Variants in WDPCP observed in about 807,000 individuals in gnomAD.
WDPCP encodes the protein WD repeat-containing and planar cell polarity effector protein fritz homolog.
A neutral mutation model predicts 93.1 loss-of-function variants in WDPCP; 71 were observed. The observed-to-expected ratio is 0.76, with a 90% CI of 0.63 to 0.93. The LOEUF (loss-of-function observed/expected upper bound fraction) is 0.93. Among genes scored for constraint, WDPCP ranks in the 40% least tolerant of loss-of-function variants. The pLI is 0.00. For missense variants in WDPCP, 844 were observed against 887.4 expected, an observed-to-expected ratio of 0.95 and a Z score of 0.62; for synonymous variants, 315 against 315.0, an observed-to-expected ratio of 1.00 and a Z score of 0.00.
At chr2:63,271,030 C>A (rs1682591868) in intron 13 of WDPCP, among the ~76,000 whole-genome samples, 1 of 152,234 alleles carries the variant, frequency 6.6e-6, no homozygotes, top group African/African-American at 2.4e-5. Flanking sequence ...GCCCAGAGGG[C>A]TGTAGCATTG....
chr2:63,560,525 AG>A (rs1706525328), intron 1 of WDPCP, among the ~76,000 whole-genome samples: 1 of 152,384 alleles, frequency 6.6e-6, no homozygotes, highest in Admixed American at 6.5e-5. Context: ...TGCTGTTGAC[AG>A]GTACACATAC....
intron 10 of WDPCP, among the ~76,000 whole-genome samples, chr2:63,397,985 G>A (rs754010489): frequency 4.6e-5 from 7 of 152,176 alleles, no homozygotes; most frequent in East Asian, 1.9e-4. Context: ...CAAGATAGAT[G>A]GGGCCGGGGA....
At chr2:63,621,984 G>C (rs553535391) in intron 3 of WDPCP, among the ~76,000 whole-genome samples, 4 of 150,478 alleles carry the variant, frequency 2.7e-5, no homozygotes, top group African/African-American at 9.8e-5. Flanking sequence ...CCACTAACTC[G>C]TCATCTAGCA....
chr2:63,725,074 G>A (rs1227286155), intron 2 of WDPCP, among the ~76,000 whole-genome samples: 2 of 152,124 alleles, frequency 1.3e-5, no homozygotes, highest in African/African-American at 2.4e-5. Context: ...AGGTTCAGAG[G>A]GGACACGTGC....
At chr2:63,794,208 T>C (rs1026654027) in intron 2 of WDPCP, among the ~76,000 whole-genome samples, 1 of 152,188 alleles carries the variant, frequency 6.6e-6, no homozygotes, top group Non-Finnish European at 1.5e-5. Context: ...TCTACTTGTG[T>C]AGTAGACACT....
chr2:63,371,025 TA>T (rs1266458800), intron 12 of WDPCP, among the ~76,000 whole-genome samples: 1 of 152,130 alleles, frequency 6.6e-6, no homozygotes, highest in Non-Finnish European at 1.5e-5. Context: ...TTTAAATATA[TA>T]TATTTCCCTT....
At position 63,588,336 on chromosome 2, in the gene WDPCP, C is replaced by T; in HGVS notation, c.-65G>A. 6.5e-7 allele frequency: 1 copy of T among 1,538,182 alleles called. No homozygotes were observed. Among genetic ancestry groups the T allele is most frequent in the Non-Finnish European group, 8.8e-7 (1 of 1,134,564 alleles). Reference sequence around the variant, plus strand: ...TCCTCGGACCCGAGAGGGAGCGACACGCTCGCTTGGTCTCTTGGGTCTCCA... The same window carrying T: ...TCCTCGGACCCGAGAGGGAGCGACATGCTCGCTTGGTCTCTTGGGTCTCCA... On this transcript the variant is annotated 5_prime_UTR_variant, in exon 1 of 18. In the 5' UTR this introduces an upstream ATG that the reference lacks. Coordinates refer to ENST00000272321, the MANE Select transcript of WDPCP (RefSeq NM_015910.7).
intron 2 of WDPCP, among the ~76,000 whole-genome samples, chr2:63,783,586 C>T (rs1670427965): frequency 6.6e-6 from 1 of 152,020 alleles, no homozygotes; most frequent in Non-Finnish European, 1.5e-5. Context: ...GAATACTATT[C>T]AGCCATAAAA....
chr2:63,700,645 C>A (rs1669034607), intron 2 of WDPCP, among the ~76,000 whole-genome samples: 1 of 151,690 alleles, frequency 6.6e-6, no homozygotes, highest in Non-Finnish European at 1.5e-5. Context: ...GTTTTGATAC[C>A]CAGCATGGTA....
At chr2:63,219,617 C>A (rs1677647694) in intron 14 of WDPCP, among the ~76,000 whole-genome samples, 1 of 152,180 alleles carries the variant, frequency 6.6e-6, no homozygotes, top group African/African-American at 2.4e-5. Flanking sequence ...TTGCTTCCAA[C>A]ATTTTCTATA....
intron 13 of WDPCP, among the ~76,000 whole-genome samples, chr2:63,286,075 C>T (rs527578709): frequency 6.6e-6 from 1 of 152,150 alleles, no homozygotes; most frequent in Admixed American, 6.5e-5. Flanking sequence ...TGACAATCAT[C>T]GCTCACTGCA....
intron 2 of WDPCP, among the ~76,000 whole-genome samples, chr2:63,685,690 A>G (rs563224198): frequency 1.3e-5 from 2 of 152,344 alleles, no homozygotes; most frequent in South Asian, 4.1e-4. Flanking sequence ...ATGAATATTG[A>G]TGCAAAAATC....
intron 12 of WDPCP, among the ~76,000 whole-genome samples, chr2:63,343,025 GACAGAGTCTT>G (rs113248255): frequency 0.17 from 26,212 of 151,858 alleles, 2,364 homozygotes; most frequent in Middle Eastern, 0.23. Context: ...TTTTCTTTGA[GACAGAGTCTT>G]ACTCTGTTAC....
chr2:63,466,487 C>T (rs2166498), intron 6 of WDPCP, among the ~76,000 whole-genome samples: 29,218 of 152,036 alleles, frequency 0.19, 2,995 homozygotes, highest in Middle Eastern at 0.28. Context: ...TTTATACATA[C>T]ATTTATATCA....
chr2:63,607,866 T>C (rs1709570049), intron 3 of WDPCP, among the ~76,000 whole-genome samples: 2 of 150,660 alleles, frequency 1.3e-5, no homozygotes, highest in Admixed American at 6.6e-5. Context: ...CAAACTCGAA[T>C]GTTTCCCAGG....
At chr2:63,589,005 A>G, upstream of WDPCP, 1 of 1,614,130 alleles carries the variant, frequency 6.2e-7, no homozygotes, top group African/African-American at 1.3e-5. Context: ...TCTGAGGCTC[A>G]TTTTGCAGTT....
intron 3 of WDPCP, chr2:63,594,538 T>C (rs778744809): frequency 6.2e-7 from 1 of 1,613,948 alleles, no homozygotes; most frequent in South Asian, 1.1e-5. Flanking sequence ...AAATTGCATA[T>C]TCACTGCTGT....
At chr2:63,755,457 T>A (rs1669952972) in intron 2 of WDPCP, among the ~76,000 whole-genome samples, 1 of 152,164 alleles carries the variant, frequency 6.6e-6, no homozygotes. Context: ...AGGGAAGTAT[T>A]TAAATGCACA....
intron 3 of WDPCP, among the ~76,000 whole-genome samples, chr2:63,609,443 G>C (rs1213801924): frequency 1.3e-5 from 2 of 152,122 alleles, no homozygotes; most frequent in African/African-American, 2.4e-5. Flanking sequence ...AGAAGAGAAA[G>C]AAAACATGCT....
Sources: allele counts gnomAD v4.1 joint callset (sites outside exome capture counted in the v4.1 genomes callset), GRCh38; gene constraint gnomAD v4.1.1; transcripts MANE v1.5; gene names NCBI Gene and HGNC (gene_info 2026-07-23, HGNC 2026-07-21).